The following STAM variants were observed in gnomAD, a reference collection of about 807,000 sequenced individuals.
The protein encoded by STAM is signal transducing adaptor molecule.
STAM carries 16 observed loss-of-function variants against 63.4 expected under a neutral mutation model. That is an observed-to-expected ratio of 0.25 (90% CI 0.17 to 0.38). The LOEUF (loss-of-function observed/expected upper bound fraction) is 0.38, where lower values mean the gene tolerates loss of function less well. STAM is among the 10% of genes least tolerant of loss of function. The probability of loss-of-function intolerance (pLI) is 1.00; values close to 1 mark genes in which losing one functional copy is unlikely to be tolerated. For missense variants in STAM, 636 were observed against 657.1 expected (o/e 0.97, Z 0.35); for synonymous variants, 238 against 223.9 (o/e 1.06, Z -0.56).
rs782274582 is a variant in STAM at position 17,705,627 on chromosome 10, G to A, written c.1095G>A (p.Met365Ile). The stretch of plus-strand genomic sequence containing the variant: ...TCTCAGAACTTAATGTGAAAGTGAT[G>A]GAGGCCCTTTCCTTATATACCAAGT... ...SELSELNVKVMEALSLYTKLM... is the reference protein window; with the variant it reads ...SELSELNVKVIEALSLYTKLM... The change falls in exon 12 of 14, where the codon ATG (methionine) becomes ATA (isoleucine). Residue 365 changes from methionine (M) to isoleucine (I), a missense_variant. By Grantham distance (10) the Met-to-Ile change is conservative (BLOSUM62 1). This residue lies in a region of STAM where 532 missense variants were observed against 536.9 expected (regional missense o/e 0.99). Coordinates refer to ENST00000377524, the MANE Select transcript of STAM (RefSeq NM_003473.4). The A allele has an allele frequency of 1.2e-6, 2 of 1,613,516 alleles. No homozygotes were observed. Among genetic ancestry groups the A allele is most frequent in the Non-Finnish European group, 1.7e-6 (2 of 1,179,842 alleles).
intron 5 of STAM, among the ~76,000 whole-genome samples, chr10:17,690,551 A>G (rs1835486806): frequency 6.6e-6 from 1 of 152,202 alleles, no homozygotes; most frequent in Admixed American, 6.5e-5. Flanking sequence ...AGAGCTTCAC[A>G]TTAAATGAAA....
intron 7 of STAM, 54 bp from the exon 8 acceptor site, chr10:17,696,721 G>A (rs369878128): frequency 3.1e-6 from 4 of 1,300,214 alleles, no homozygotes; most frequent in Non-Finnish European, 4.4e-6. Context: ...AGATAAAGAT[G>A]TACAGAAATA....
In STAM at chr10:17,713,612, G is replaced by A. The variant is rs536676818; in HGVS notation, c.1386-931G>A. ...CCAGTTTTTAGGTTCTAAACCTCAG[G>A]CATTCTGGACTCTTCTGTTCATTAT... On this transcript the variant is annotated intron_variant, in intron 13 of 13. Transcript: ENST00000377524. Among the ~76,000 whole-genome samples the A allele has an allele frequency of 3.3e-5, 5 of 152,132 alleles. No homozygotes were observed. The South Asian group carries it at 1.0e-3, about 32-fold the overall frequency.
chr10:17,670,139 A>G (rs1834576646), intron 2 of STAM, among the ~76,000 whole-genome samples: 1 of 152,144 alleles, frequency 6.6e-6, no homozygotes, highest in Non-Finnish European at 1.5e-5. Context: ...GAGAATTGGG[A>G]TAACAACAGA....
At chr10:17,686,315 TTC>T (rs200940711) in intron 4 of STAM, among the ~76,000 whole-genome samples, 2,114 of 152,198 alleles carry the variant, frequency 0.014, 53 homozygotes, top group African/African-American at 0.048. Context: ...GCAAGAGGAC[TTC>T]TCTTTATTTT....
At chr10:17,672,568 G>A (rs1834684516) in intron 2 of STAM, among the ~76,000 whole-genome samples, 1 of 152,054 alleles carries the variant, frequency 6.6e-6, no homozygotes, top group Admixed American at 6.6e-5. Flanking sequence ...CTGTGCTGAG[G>A]GCCATTCTTG....
chr10:17,708,758 T>A lies in STAM; in HGVS notation c.1210-18T>A. The A allele has an allele frequency of 6.4e-7, 1 of 1,572,618 alleles. No individual in the cohort carries two copies. The highest frequency in any genetic ancestry group is 8.7e-7 in the Non-Finnish European group (1 of 1,152,534). On this transcript the variant is annotated intron_variant, in intron 12 of 13. Coordinates refer to ENST00000377524, the MANE Select transcript of STAM (RefSeq NM_003473.4). Reference sequence around the variant, plus strand: ...TAAAATTTTAGAATTGAATATGATTTCTCTTTAACCATCGCAGGTGTATGC... The same window carrying A: ...TAAAATTTTAGAATTGAATATGATTACTCTTTAACCATCGCAGGTGTATGC...
intron 2 of STAM, among the ~76,000 whole-genome samples, chr10:17,666,254 A>T (rs1192326109): frequency 1.3e-5 from 2 of 152,156 alleles, no homozygotes; most frequent in East Asian, 1.9e-4. Context: ...CGACTAATGG[A>T]TATGTTTTGG....
intron 4 of STAM, among the ~76,000 whole-genome samples, chr10:17,687,249 C>T (rs1294609426): frequency 2.0e-5 from 3 of 151,990 alleles, no homozygotes; most frequent in African/African-American, 2.4e-5. Context: ...CTGAGGCGGG[C>T]GAATCAGTTG....
chr10:17,674,415 G>A (rs1398080551), intron 2 of STAM, among the ~76,000 whole-genome samples: 3 of 152,142 alleles, frequency 2.0e-5, no homozygotes, highest in South Asian at 2.1e-4. Flanking sequence ...CTGGGACTAG[G>A]GTCATCTGAA....
Position 17,705,667 on chromosome 10 carries a change from C to A in STAM, c.1135C>A (p.Pro379Thr), listed in dbSNP as rs1483323779. The stretch of plus-strand genomic sequence containing the variant: ...ATATACCAAGTTAATGAACGAAGAT[C>A]CGATGTATTCCATGTATGCAAAGTT... Reference protein sequence around the residue: ...SLYTKLMNEDPMYSMYAKLQN... With the variant: ...SLYTKLMNEDTMYSMYAKLQN... The change falls in exon 12 of 14, where the codon CCG (proline) becomes ACG (threonine). Residue 379 changes from proline (P) to threonine (T), a missense_variant. By Grantham distance (38) the Pro-to-Thr change is conservative (BLOSUM62 -1). This residue lies in a region of STAM where 532 missense variants were observed against 536.9 expected (regional missense o/e 0.99). Coordinates refer to ENST00000377524, the MANE Select transcript of STAM (RefSeq NM_003473.4). The A allele has an allele frequency of 3.7e-6, 6 of 1,613,812 alleles. No individual in the cohort carries two copies. In the African/African-American group the frequency reaches 8.0e-5, roughly 22 times the overall value.
At chr10:17,683,164 G>T (rs934750198) in intron 2 of STAM, among the ~76,000 whole-genome samples, 1 of 151,698 alleles carries the variant, frequency 6.6e-6, no homozygotes, top group Non-Finnish European at 1.5e-5. Flanking sequence ...TTATTTTTTT[G>T]ATTTAAAACT....
intron 13 of STAM, 136 bp downstream of exon 13, chr10:17,709,087 G>C (rs1330208798): frequency 3.0e-6 from 3 of 999,994 alleles, no homozygotes; most frequent in African/African-American, 3.2e-5. Context: ...TTGTGCTAAT[G>C]AGTGGTGGAG....
chr10:17,663,614 C>T (rs782197403), intron 2 of STAM, among the ~76,000 whole-genome samples: 4 of 151,672 alleles, frequency 2.6e-5, no homozygotes, highest in Non-Finnish European at 5.9e-5. Flanking sequence ...ATAGTTATTG[C>T]TCTCTGGTTC....
At chr10:17,666,758 G>A (rs1268037063) in intron 2 of STAM, among the ~76,000 whole-genome samples, 2 of 152,156 alleles carry the variant, frequency 1.3e-5, no homozygotes, top group African/African-American at 2.4e-5. Context: ...TCAGTAGGAA[G>A]TTGAAAGAAT....
chr10:17,660,639 C>A, intron 2 of STAM, 91 bp downstream of exon 2: 2 of 921,898 alleles, frequency 2.2e-6, no homozygotes, highest in South Asian at 1.8e-5. Context: ...TAGGCCCAGC[C>A]CCTCGGTAGG....
At chr10:17,701,868 G>C (rs1222028129) in intron 9 of STAM, among the ~76,000 whole-genome samples, 1 of 152,032 alleles carries the variant, frequency 6.6e-6, no homozygotes, top group Non-Finnish European at 1.5e-5. Context: ...TTGGTATTAA[G>C]AAAGTCATGG....
intron 1 of STAM, among the ~76,000 whole-genome samples, chr10:17,659,516 C>G (rs1478245611): frequency 4.2e-5 from 5 of 119,682 alleles, no homozygotes; most frequent in African/African-American, 1.6e-4. Flanking sequence ...TGTTGCCTAA[C>G]TGGAGTGCAG....
At chr10:17,661,601 T>C (rs1554822885) in intron 2 of STAM, among the ~76,000 whole-genome samples, 1 of 152,204 alleles carries the variant, frequency 6.6e-6, no homozygotes, top group African/African-American at 2.4e-5. Flanking sequence ...CCAGAACTCC[T>C]GTCTCTTTTT....
Sources: allele counts gnomAD v4.1 joint callset (sites outside exome capture counted in the v4.1 genomes callset), GRCh38; gene constraint gnomAD v4.1.1; regional missense constraint gnomAD v4.1.1; transcripts MANE v1.5; gene names NCBI Gene and HGNC (gene_info 2026-07-23, HGNC 2026-07-21).